The following RHPN2 variants were observed in gnomAD, a reference collection of about 807,000 sequenced individuals.
The protein encoded by RHPN2 is rhophilin-2.
A neutral mutation model predicts 79.0 loss-of-function variants in RHPN2; 40 were observed. The ratio of observed to expected loss-of-function variants is 0.51; its 90% CI spans 0.39 to 0.66. RHPN2 has a LOEUF of 0.66. Ranked by LOEUF, RHPN2 falls within the 30% of genes least tolerant of loss-of-function variation. The pLI is 0.00. For missense variants in RHPN2, 686 were observed against 883.5 expected, an observed-to-expected ratio of 0.78 and a Z score of 2.83; for synonymous variants, 285 against 363.5, an observed-to-expected ratio of 0.78 and a Z score of 2.46.
At chr19:33,013,215 A>AG (rs1971851237) in intron 4 of RHPN2, among the ~76,000 whole-genome samples, 1 of 136,900 alleles carries the variant, frequency 7.3e-6, no homozygotes, top group African/African-American at 2.8e-5. Context: ...AAAACAAAAA[A>AG]CAGAGTTTCA....
intron 4 of RHPN2, among the ~76,000 whole-genome samples, chr19:33,019,867 G>T (rs548516986): frequency 6.6e-6 from 1 of 152,144 alleles, no homozygotes; most frequent in Non-Finnish European, 1.5e-5. Flanking sequence ...TGGGCTGCAT[G>T]GCGCAAACTT....
At chr19:33,005,954 C>T (rs1448887817) in intron 7 of RHPN2, among the ~76,000 whole-genome samples, 8 of 152,096 alleles carry the variant, frequency 5.3e-5, no homozygotes, top group South Asian at 2.1e-4. Context: ...AGTGCAATGG[C>T]GCGATCTTGG....
At chr19:33,006,442 T>C (rs867337729) in intron 7 of RHPN2, among the ~76,000 whole-genome samples, 1 of 152,108 alleles carries the variant, frequency 6.6e-6, no homozygotes, top group Non-Finnish European at 1.5e-5. Flanking sequence ...ATCAGAAATT[T>C]CACGATGAGT....
intron 1 of RHPN2, among the ~76,000 whole-genome samples, chr19:33,045,692 C>T (rs1226037786): frequency 3.9e-5 from 6 of 152,188 alleles, no homozygotes; most frequent in African/African-American, 1.4e-4. Flanking sequence ...CAGGCTGGTC[C>T]TGAACTCCTA....
chr19:33,002,918 T>C lies in RHPN2; in HGVS notation c.843A>G (p.Lys281=). 6.2e-7 allele frequency: 1 copy of C among 1,613,958 alleles called. No individual in the cohort carries two copies. The highest frequency in any genetic ancestry group is 8.5e-7 in the Non-Finnish European group (1 of 1,179,860). ...MSPAMLSVLV[K]MMLAQAQESV... ...TTTCTTGGGCTTGTGCAAGCATCAT[T>C]TTGACGAGCACGCTGAGCATGGCAG... The change falls in exon 8 of 15, where the codon AAA becomes AAG. Residue 281 remains lysine, a synonymous_variant. Transcript: ENST00000254260.
Position 33,026,629 on chromosome 19 carries a change from C to T in RHPN2, c.189G>A (p.Val63=). Residue 63 remains valine, a synonymous_variant, in exon 3 of 15, where the codon GTG becomes GTA. Transcript: ENST00000254260. The part of the protein sequence containing the change: ...MRTGAENLLK[V]ATNSKVREQV... ...GCTCCCGCACCTTTGAGTTTGTGGCCACTCTGTTCAAAGAGAAGAGGGAGA... is the reference window on the plus strand; with the variant it reads ...GCTCCCGCACCTTTGAGTTTGTGGCTACTCTGTTCAAAGAGAAGAGGGAGA... The T allele has an allele frequency of 6.2e-7, 1 of 1,606,180 alleles. No individual in the cohort carries two copies. The highest frequency in any genetic ancestry group is 8.5e-7 in the Non-Finnish European group (1 of 1,178,954).
At chr19:32,996,653 CT>C (rs746860484) in intron 10 of RHPN2, among the ~76,000 whole-genome samples, 1 of 151,902 alleles carries the variant, frequency 6.6e-6, no homozygotes, top group Non-Finnish European at 1.5e-5. Context: ...TAACCAATTA[CT>C]TTTTTTTAAC....
chr19:33,006,914 C>T (rs1483134113), intron 7 of RHPN2, among the ~76,000 whole-genome samples: 4 of 151,774 alleles, frequency 2.6e-5, no homozygotes, highest in East Asian at 3.9e-4. Flanking sequence ...TGGTGGCAGG[C>T]GCCTGTAATC....
chr19:33,020,088 C>T (rs1382458612), intron 4 of RHPN2, among the ~76,000 whole-genome samples: 2 of 152,090 alleles, frequency 1.3e-5, no homozygotes, highest in East Asian at 3.9e-4. Context: ...CCCACTGACC[C>T]AAAGGCCCCG....
intron 14 of RHPN2, among the ~76,000 whole-genome samples, chr19:32,989,443 G>A (rs1390498739): frequency 2.0e-5 from 3 of 152,144 alleles, no homozygotes; most frequent in Non-Finnish European, 2.9e-5. Context: ...AACTGTGCAG[G>A]TGAACTTGAA....
At chr19:33,039,699 A>G (rs547580364) in intron 2 of RHPN2, among the ~76,000 whole-genome samples, 4 of 152,080 alleles carry the variant, frequency 2.6e-5, no homozygotes, top group Admixed American at 1.3e-4. Flanking sequence ...TTAGCCGGGT[A>G]TGATGGCGCA....
intron 1 of RHPN2, among the ~76,000 whole-genome samples, chr19:33,062,960 G>A (rs1409883032): frequency 6.6e-6 from 1 of 152,044 alleles, no homozygotes; most frequent in Non-Finnish European, 1.5e-5. Flanking sequence ...ACCCCTCACA[G>A]GTGTGCTTCT....
At chr19:33,037,095 T>A (rs998524261) in intron 2 of RHPN2, among the ~76,000 whole-genome samples, 1 of 152,212 alleles carries the variant, frequency 6.6e-6, no homozygotes, top group Admixed American at 6.5e-5. Context: ...AGAACCTTTA[T>A]GTCTAGCTAA....
chr19:33,049,915 CCA>C (rs1972173572), intron 1 of RHPN2, among the ~76,000 whole-genome samples: 1 of 152,126 alleles, frequency 6.6e-6, no homozygotes. Flanking sequence ...CATGCAACCC[CCA>C]GACACCCCTT....
At chr19:33,034,332 G>A (rs868316584) in intron 2 of RHPN2, among the ~76,000 whole-genome samples, 103 of 151,664 alleles carry the variant, frequency 6.8e-4, no homozygotes, top group African/African-American at 2.3e-3. Flanking sequence ...TTGGCCGGGC[G>A]CGGTGGCTCA....
chr19:33,044,431 T>A, intron 1 of RHPN2, 67 bp from the exon 2 acceptor site: 1 of 973,190 alleles, frequency 1.0e-6, no homozygotes. Flanking sequence ...GGGTTTAATA[T>A]AATGGAAAAT....
At chr19:33,013,171 C>G (rs181565011) in intron 4 of RHPN2, among the ~76,000 whole-genome samples, 3 of 147,106 alleles carry the variant, frequency 2.0e-5, no homozygotes, top group African/African-American at 7.7e-5. Context: ...CCACCGTGCC[C>G]GGCCATAGTT....
At position 32,991,839 on chromosome 19, in the gene RHPN2, G is replaced by A. The variant is rs767358800; in HGVS notation, c.1628C>T (p.Pro543Leu). ...NAPVQVHFLD[P>L]YCSASVAGAR... ...TGTGCTTACCGAGGCAGAGCAGTAA[G>A]GATCCAGGAAGTGAACCTGAACGGG... Residue 543 changes from proline (P) to leucine (L), a missense_variant, in exon 13 of 15, where the codon CCT (proline) becomes CTT (leucine). Physicochemically the swap from Pro to Leu is moderately conservative, Grantham distance 98. Coordinates refer to ENST00000254260, the MANE Select transcript of RHPN2 (RefSeq NM_033103.5). 3.1e-6 allele frequency: 5 copies of A among 1,613,982 alleles called. No homozygotes were observed. Among genetic ancestry groups the A allele is most frequent in the Non-Finnish European group, 1.7e-6 (2 of 1,179,864 alleles).
At chr19:33,001,796 G>T (rs1971750950) in intron 9 of RHPN2, among the ~76,000 whole-genome samples, 1 of 152,066 alleles carries the variant, frequency 6.6e-6, no homozygotes, top group Admixed American at 6.6e-5. Context: ...TAGAGACAGG[G>T]TTTCACCATG....
Sources: gnomAD v4.1 joint callset for allele counts (sites outside exome capture counted in the v4.1 genomes callset) on GRCh38, gnomAD v4.1.1 for gene constraint, MANE v1.5 for transcripts, NCBI Gene and HGNC (gene_info 2026-07-23, HGNC 2026-07-21) for gene names.